The following SLC25A27 variants were observed in gnomAD, a reference collection of about 807,000 sequenced individuals.
The protein encoded by SLC25A27 is solute carrier family 25 member 27, also known as mitochondrial uncoupling protein 4.
In SLC25A27, 35 loss-of-function variants were observed where a neutral mutation model predicts 49.1. The observed-to-expected ratio is 0.71, with a 90% CI of 0.54 to 0.95. SLC25A27 has a LOEUF of 0.95. Among genes scored for constraint, SLC25A27 ranks in the 40% least tolerant of loss-of-function variants. The pLI is 0.00. For missense variants in SLC25A27, 339 were observed against 397.1 expected (o/e 0.85, Z 1.24); for synonymous variants, 144 against 136.9 (o/e 1.05, Z -0.36).
intron 2 of SLC25A27, among the ~76,000 whole-genome samples, chr6:46,656,347 ATT>A (rs771129922): frequency 1.8e-4 from 24 of 136,066 alleles, no homozygotes; most frequent in South Asian, 7.1e-4. Flanking sequence ...CACCCAGCTA[ATT>A]TTTTTTTTTT....
chr6:46,672,629 C>G lies in SLC25A27; in HGVS notation c.900+1401C>G, dbSNP rs182132420. ...CAGACTTCATTCCCAGATTCCTGCT[C>G]TGAGCAACTGAGGATGATGATGTAA... On this transcript the variant is annotated intron_variant, in intron 8 of 8. Coordinates refer to ENST00000371347, the MANE Select transcript of SLC25A27 (RefSeq NM_004277.5). Among the ~76,000 whole-genome samples, 8 of 152,194 alleles carry G rather than the reference C, an allele frequency of 5.3e-5. No homozygotes were observed. The East Asian group carries it at 9.7e-4, about 18-fold the overall frequency.
At position 46,668,599 on chromosome 6, in the gene SLC25A27, C is replaced by G. The variant is rs905501664; in HGVS notation, c.620-110C>G. On this transcript the variant is annotated intron_variant, in intron 5 of 8. Coordinates refer to ENST00000371347, the MANE Select transcript of SLC25A27 (RefSeq NM_004277.5). ...GCTTTCCTTGAGAACAAGAAGGATTCCTTGGTAGCTTTCATCCTGGTACAC... is the reference window on the plus strand; with the variant it reads ...GCTTTCCTTGAGAACAAGAAGGATTGCTTGGTAGCTTTCATCCTGGTACAC... 13 of 659,986 alleles carry G rather than the reference C, an allele frequency of 2.0e-5. No homozygotes were observed. The African/African-American group carries it at 2.3e-4, about 12-fold the overall frequency. The allele number at this position is 659,986 out of a possible 1,614,324, so 40.9% of individuals were successfully genotyped here.
At chr6:46,674,349 G>A (rs1582520220) in intron 8 of SLC25A27, among the ~76,000 whole-genome samples, 1 of 152,138 alleles carries the variant, frequency 6.6e-6, no homozygotes, top group Admixed American at 6.5e-5. Context: ...CATGTAGCTA[G>A]TATGTGGCAG....
chr6:46,657,260 C>G (rs955354817), intron 2 of SLC25A27, among the ~76,000 whole-genome samples: 4 of 151,972 alleles, frequency 2.6e-5, no homozygotes, highest in African/African-American at 9.7e-5. Flanking sequence ...GTCAGGAGTT[C>G]GAGACTAGCC....
chr6:46,670,111 A>C (rs1291533488), intron 6 of SLC25A27, 24 bp from the exon 7 acceptor site: 1 of 1,521,126 alleles, frequency 6.6e-7, no homozygotes, highest in East Asian at 2.3e-5. Context: ...ACCATCTTTC[A>C]ATTTCATTTA....
At chr6:46,658,823 G>A in intron 2 of SLC25A27, 139 bp from the exon 3 acceptor site, 2 of 698,080 alleles carry the variant, frequency 2.9e-6, no homozygotes, top group South Asian at 3.3e-5. Flanking sequence ...CCACGTGTTA[G>A]AAGCACCGGC....
Position 46,676,535 on chromosome 6 carries a change from T to A in SLC25A27, c.*81T>A. On this transcript the variant is annotated 3_prime_UTR_variant, in exon 9 of 9. Transcript: ENST00000371347. Reference sequence around the variant, plus strand: ...CATCTGCAACACATACCCCCTATTATTTCTACCTCTTTAGGAAGACACCTA... The same window carrying A: ...CATCTGCAACACATACCCCCTATTAATTCTACCTCTTTAGGAAGACACCTA... The A allele has an allele frequency of 3.1e-6, 5 of 1,608,852 alleles. No homozygotes were observed. In the East Asian group the frequency reaches 1.1e-4, roughly 36 times the overall value.
intron 6 of SLC25A27, 134 bp downstream of exon 6, chr6:46,668,927 G>A (rs1009723945): frequency 3.6e-6 from 2 of 553,116 alleles, no homozygotes; most frequent in African/African-American, 3.8e-5. Context: ...CATTTATAAA[G>A]AGAAATTTCT....
chr6:46,654,017 C>A, intron 1 of SLC25A27: 2 of 729,970 alleles, frequency 2.7e-6, no homozygotes, highest in South Asian at 6.3e-5. Context: ...TATTAGGTGT[C>A]ATAAAAGCAT....
At chr6:46,658,433 C>T (rs1169512755) in intron 2 of SLC25A27, 3 of 399,738 alleles carry the variant, frequency 7.5e-6, no homozygotes, top group African/African-American at 6.4e-5. Context: ...AGCTAAGATT[C>T]ATTTCATACG....
chr6:46,664,367 C>T (rs1272437596), intron 4 of SLC25A27, among the ~76,000 whole-genome samples: 1 of 152,042 alleles, frequency 6.6e-6, no homozygotes, highest in Non-Finnish European at 1.5e-5. Flanking sequence ...TTGTTAATGT[C>T]ATTATTTGAT....
At chr6:46,674,442 G>A (rs1221910280) in intron 8 of SLC25A27, among the ~76,000 whole-genome samples, 1 of 152,046 alleles carries the variant, frequency 6.6e-6, no homozygotes, top group Admixed American at 6.6e-5. Context: ...TCAACATCCT[G>A]CAGCTAGCTA....
chr6:46,674,841 C>G (rs1278863709), intron 8 of SLC25A27, among the ~76,000 whole-genome samples: 3 of 152,142 alleles, frequency 2.0e-5, no homozygotes, highest in Non-Finnish European at 4.4e-5. Context: ...TATTTGTAAA[C>G]TTAATCAACC....
chr6:46,656,132 T>C (rs1762969938), intron 2 of SLC25A27, 98 bp downstream of exon 2: 6 of 959,738 alleles, frequency 6.3e-6, no homozygotes, highest in Non-Finnish European at 9.4e-6. Flanking sequence ...TTTTTTATCT[T>C]ACTGATACAA....
chr6:46,656,537 G>A (rs956438132), intron 2 of SLC25A27, among the ~76,000 whole-genome samples: 4 of 151,912 alleles, frequency 2.6e-5, no homozygotes, highest in Non-Finnish European at 5.9e-5. Context: ...GTAGAGATGG[G>A]GTTTCACCAT....
intron 8 of SLC25A27, among the ~76,000 whole-genome samples, chr6:46,671,656 T>C (rs1763550975): frequency 6.6e-6 from 1 of 152,126 alleles, no homozygotes; most frequent in South Asian, 2.1e-4. Context: ...TTAATATTTA[T>C]TACCACAAAA....
At chr6:46,669,641 C>T (rs1292584082) in intron 6 of SLC25A27, among the ~76,000 whole-genome samples, 3 of 152,232 alleles carry the variant, frequency 2.0e-5, no homozygotes, top group East Asian at 3.9e-4. Context: ...ATTACTGACT[C>T]GGCTTTTGCA....
intron 3 of SLC25A27, among the ~76,000 whole-genome samples, chr6:46,660,363 A>G (rs1194311239): frequency 6.6e-6 from 1 of 152,158 alleles, no homozygotes; most frequent in African/African-American, 2.4e-5. Context: ...CAAACTCACC[A>G]ATAATCAGGG....
At position 46,676,914 on chromosome 6, in the gene SLC25A27, G is replaced by C; in HGVS notation, c.*460G>C. 1 of 507,238 alleles carries C rather than the reference G, an allele frequency of 2.0e-6. No individual in the cohort carries two copies. Among genetic ancestry groups the C allele is most frequent in the East Asian group, 3.0e-5 (1 of 33,324 alleles). 31.4% of individuals were successfully genotyped at this position (507,238 alleles called of 1,614,324 possible). A position where few individuals can be genotyped will look rare whatever the true frequency, so the allele number is the denominator to read the frequency against. On this transcript the variant is annotated 3_prime_UTR_variant, in exon 9 of 9. Transcript: ENST00000371347. Reference sequence around the variant, plus strand: ...ATGTCAGTATTTATCAATGAAGTTTGATAATTCACTTTTCTGTCATTGTTA... The same window carrying C: ...ATGTCAGTATTTATCAATGAAGTTTCATAATTCACTTTTCTGTCATTGTTA...
Sources: allele counts gnomAD v4.1 joint callset (sites outside exome capture counted in the v4.1 genomes callset), GRCh38; gene constraint gnomAD v4.1.1; transcripts MANE v1.5; gene names NCBI Gene and HGNC (gene_info 2026-07-23, HGNC 2026-07-21).